Variants in PLEKHM2 observed in about 807,000 individuals in gnomAD.
PLEKHM2 encodes pleckstrin homology and RUN domain containing M2.
In PLEKHM2, 77 loss-of-function variants were observed where a neutral mutation model predicts 116.3. That is an observed-to-expected ratio of 0.66 (90% CI 0.55 to 0.80). The LOEUF is 0.80. PLEKHM2 is among the 30% of genes least tolerant of loss of function. The pLI, the probability that PLEKHM2 is intolerant of heterozygous loss-of-function variation, is 0.00. For missense variants in PLEKHM2, 1,183 were observed against 1,354.9 expected (o/e 0.87, Z 1.99); for synonymous variants, 562 against 571.0 (o/e 0.98, Z 0.22).
intron 8 of PLEKHM2, chr1:15,725,831 G>A: frequency 2.1e-6 from 1 of 465,200 alleles, no homozygotes. Flanking sequence ...GTGCCGGTGT[G>A]GCCAGCCTCT....
rs146254715 is a variant in PLEKHM2 at position 15,713,507 on chromosome 1, C to T, written c.61-2730C>T. On this transcript the variant is annotated intron_variant, in intron 1 of 19. Transcript: ENST00000375799. ...TGAGTTCCAGCCCTGGGTCCTGTCA[C>T]TTAACTAAAAACCATATTGAGGGAC... Among the ~76,000 whole-genome samples, 299 of 152,246 alleles carry T rather than the reference C, an allele frequency of 2.0e-3. 1 individual carries two copies. The highest frequency in any genetic ancestry group is 3.6e-3 in the Admixed American group (55 of 15,282).
chr1:15,723,894 G>A (rs1278106685), intron 7 of PLEKHM2, among the ~76,000 whole-genome samples: 2 of 152,202 alleles, frequency 1.3e-5, no homozygotes, highest in East Asian at 1.9e-4. Flanking sequence ...GGCAGACAGC[G>A]GCCAGCAAGA....
At chr1:15,712,989 C>T (rs1046473417) in intron 1 of PLEKHM2, among the ~76,000 whole-genome samples, 5 of 152,048 alleles carry the variant, frequency 3.3e-5, no homozygotes, top group Non-Finnish European at 5.9e-5. Context: ...TTAGTAGAGA[C>T]GGGGTTTCAC....
chr1:15,734,130 T>G lies in PLEKHM2; in HGVS notation c.*196T>G. ...ATCAGGTGCCCGGCACCCCTGGGCA[T>G]CCTGCCCGACAGGTAGCGAATGGAG... On this transcript the variant is annotated 3_prime_UTR_variant, in exon 20 of 20. Transcript: ENST00000375799. 1.6e-6 allele frequency: 1 copy of G among 617,618 alleles called. No homozygotes were observed. The allele number at this position is 617,618 out of a possible 1,614,324, so 38.3% of individuals were successfully genotyped here. A position where few individuals can be genotyped will look rare whatever the true frequency, so the allele number is the denominator to read the frequency against.
In PLEKHM2 at chr1:15,729,057, C is replaced by T; in HGVS notation, c.1987-45C>T. 1 of 1,536,776 alleles carries T rather than the reference C, an allele frequency of 6.5e-7. No individual in the cohort carries two copies. Among genetic ancestry groups the T allele is most frequent in the African/African-American group, 1.4e-5 (1 of 73,390 alleles). The stretch of plus-strand genomic sequence containing the variant: ...TGGCCAAGCTGCCTTCTCCGCCAGG[C>T]AGCAGCTAAGCCCCAAGTGCATGTC... On this transcript the variant is annotated intron_variant, in intron 12 of 19. Coordinates refer to ENST00000375799, the MANE Select transcript of PLEKHM2 (RefSeq NM_015164.4). The surrounding 1 kb of genome is among the most constrained non-coding windows in gnomAD (Gnocchi z 4.7).
chr1:15,725,822 T>C (rs942004803), intron 8 of PLEKHM2: 2 of 481,696 alleles, frequency 4.2e-6, no homozygotes, highest in African/African-American at 3.9e-5. Context: ...GAGGTCAGGG[T>C]GCCGGTGTGG....
Position 15,725,524 on chromosome 1 carries a change from G to T in PLEKHM2, c.920G>T (p.Cys307Phe). 1 of 1,569,722 alleles carries T rather than the reference G, an allele frequency of 6.4e-7. No homozygotes were observed. The highest frequency in any genetic ancestry group is 1.2e-5 in the South Asian group (1 of 85,092). Residue 307 changes from cysteine to phenylalanine, a missense_variant, in exon 8 of 20, where the codon TGC becomes TTC. This residue lies in a region of PLEKHM2 where 372 missense variants were observed against 357.2 expected (regional missense o/e 1.04). Coordinates refer to ENST00000375799, the MANE Select transcript of PLEKHM2 (RefSeq NM_015164.4). ...EAQALDPPDA[C>F]TELEVIRVTK... ...CAGGCCCTGGACCCGCCGGATGCCTGCACGGAGCTCGAGGTCATCAGGTCA... is the reference window on the plus strand; with the variant it reads ...CAGGCCCTGGACCCGCCGGATGCCTTCACGGAGCTCGAGGTCATCAGGTCA...
chr1:15,717,626 A>G (rs1641472482), intron 3 of PLEKHM2, among the ~76,000 whole-genome samples: 1 of 152,194 alleles, frequency 6.6e-6, no homozygotes, highest in Admixed American at 6.5e-5. Context: ...CTGTTAGCCT[A>G]CAGGATCAGT....
intron 7 of PLEKHM2, chr1:15,723,449 T>TAAAAAA (rs35677279): frequency 7.1e-6 from 1 of 139,996 alleles, no homozygotes. Context: ...ACAGCAGACT[T>TAAAAAA]AAAAAAAAAA....
chr1:15,693,380 G>A (rs1373680587), intron 1 of PLEKHM2, among the ~76,000 whole-genome samples: 3 of 152,176 alleles, frequency 2.0e-5, no homozygotes, highest in East Asian at 1.9e-4. Context: ...CTCCTTTTAC[G>A]AAATGCTTCT....
At position 15,721,147 on chromosome 1, in the gene PLEKHM2, A is replaced by G. The variant is rs2067991974; in HGVS notation, c.653-182A>G. 6.6e-6 allele frequency among the ~76,000 whole-genome samples: 1 copy of G among 152,150 alleles called. No homozygotes were observed. The highest frequency in any genetic ancestry group is 2.1e-4 in the South Asian group (1 of 4,830). On this transcript the variant is annotated intron_variant, in intron 6 of 19. Coordinates refer to ENST00000375799, the MANE Select transcript of PLEKHM2 (RefSeq NM_015164.4). The surrounding 1 kb of genome is among the most constrained non-coding windows in gnomAD (Gnocchi z 5.1). ...TTGGAGGCTCCTGGGCCAGCGCCTG[A>G]GCTGAGAGGCAGTCAGGGCCCTAGT...
In PLEKHM2 at chr1:15,729,685, C is replaced by T; in HGVS notation, c.2076-112C>T. On this transcript the variant is annotated intron_variant, in intron 13 of 19. Coordinates refer to ENST00000375799, the MANE Select transcript of PLEKHM2 (RefSeq NM_015164.4). The surrounding 1 kb of genome is among the most constrained non-coding windows in gnomAD (Gnocchi z 4.7). ...CCCTGGTCACTGGGTCTAGCCAGGT[C>T]TCTCCCCCAAGTTTCTGTGACCCCT... The T allele has an allele frequency of 1.1e-6, 1 of 937,676 alleles. No homozygotes were observed. Among genetic ancestry groups the T allele is most frequent in the East Asian group, 2.4e-5 (1 of 41,024 alleles). 58.1% of individuals were successfully genotyped at this position (937,676 alleles called of 1,614,324 possible).
At chr1:15,706,035 C>T (rs187532606) in intron 1 of PLEKHM2, among the ~76,000 whole-genome samples, 125 of 152,196 alleles carry the variant, frequency 8.2e-4, no homozygotes, top group Non-Finnish European at 1.4e-3. Flanking sequence ...GAGCCAAGAT[C>T]GCGCCATTGC....
chr1:15,703,044 A>G (rs1019354909), intron 1 of PLEKHM2, among the ~76,000 whole-genome samples: 4 of 152,098 alleles, frequency 2.6e-5, no homozygotes, highest in South Asian at 4.1e-4. Context: ...GGTGGGGTCT[A>G]TTCTGTTTTT....
chr1:15,687,422 C>T (rs186891742), intron 1 of PLEKHM2, among the ~76,000 whole-genome samples: 1 of 152,204 alleles, frequency 6.6e-6, no homozygotes, highest in African/African-American at 2.4e-5. Flanking sequence ...GATCCGCTCA[C>T]CTCGGCCTCC....
chr1:15,705,383 T>C (rs1422518882), intron 1 of PLEKHM2, among the ~76,000 whole-genome samples: 2 of 151,912 alleles, frequency 1.3e-5, no homozygotes, highest in Admixed American at 6.6e-5. Flanking sequence ...GGTTTTGCCA[T>C]GTTGCCCAGG....
In PLEKHM2 at chr1:15,731,911, C is replaced by A. The variant is rs756450777; in HGVS notation, c.2488C>A (p.Arg830=). Residue 830 remains arginine (R), a synonymous_variant, in exon 17 of 20, where the codon CGG becomes AGG. Coordinates refer to ENST00000375799, the MANE Select transcript of PLEKHM2 (RefSeq NM_015164.4). ...CAGGGGGGAGCAGTGCGGTGGCTGC[C>A]GGAGAGCCAACACCACGGATCGGCC... ...NMGGEQCGGC[R]RANTTDRPHA... 5.6e-6 allele frequency: 9 copies of A among 1,611,016 alleles called. No homozygotes were observed. The highest frequency in any genetic ancestry group is 1.7e-5 in the Admixed American group (1 of 59,834).
intron 1 of PLEKHM2, among the ~76,000 whole-genome samples, chr1:15,704,475 T>C: frequency 6.6e-6 from 1 of 152,168 alleles, no homozygotes; most frequent in Non-Finnish European, 1.5e-5. Context: ...GAAACAGATT[T>C]CCAGACATCC....
In PLEKHM2 at chr1:15,733,888, G is replaced by T. The variant is rs1394672217; in HGVS notation, c.3014G>T (p.Ser1005Ile). The change falls in exon 20 of 20, where the codon AGC (serine) becomes ATC (isoleucine). Residue 1005 changes from serine (S) to isoleucine (I), a missense_variant. Ser to Ile is a moderately radical substitution (Grantham distance 142). Transcript: ENST00000375799. ...LSLIHSAWQR[S>I]DSLCRGRASR... ...CTCATCCACAGCGCCTGGCAGCGGA[G>T]CGACAGTCTCTGCCGCGGCCGAGCC... 6.2e-7 allele frequency: 1 copy of T among 1,612,858 alleles called. No individual in the cohort carries two copies. The highest frequency in any genetic ancestry group is 1.3e-5 in the African/African-American group (1 of 74,960).
Sources: allele counts gnomAD v4.1 joint callset (sites outside exome capture counted in the v4.1 genomes callset), GRCh38; gene constraint gnomAD v4.1.1; regional missense constraint gnomAD v4.1.1; non-coding constraint Gnocchi (gnomAD v3.1); transcripts MANE v1.5; gene names NCBI Gene and HGNC (gene_info 2026-07-23, HGNC 2026-07-21).